STRADB: variants seen among roughly 807,000 people sequenced by gnomAD.
STRADB encodes the protein STE20-related kinase adapter protein beta.
A neutral mutation model predicts 52.1 loss-of-function variants in STRADB; 34 were observed. The observed-to-expected ratio is 0.65, with a 90% CI of 0.50 to 0.87. The LOEUF is 0.87. Ranked by LOEUF, STRADB falls within the 40% of genes least tolerant of loss-of-function variation. The probability of loss-of-function intolerance (pLI) is 0.00; values close to 1 mark genes in which losing one functional copy is unlikely to be tolerated. For synonymous variants in STRADB, 133 were observed against 174.5 expected, an observed-to-expected ratio of 0.76 and a Z score of 1.87; for missense variants, 340 against 483.9, an observed-to-expected ratio of 0.70 and a Z score of 2.79.
chr2:201,471,382 C>T (rs962109334), intron 4 of STRADB, among the ~76,000 whole-genome samples: 4 of 152,164 alleles, frequency 2.6e-5, no homozygotes, highest in African/African-American at 9.7e-5. Flanking sequence ...GAATGGCCTC[C>T]ACAACCTACC....
intron 2 of STRADB, 45 bp from the exon 3 acceptor site, chr2:201,458,739 C>A (rs752248963): frequency 6.4e-7 from 1 of 1,571,514 alleles, no homozygotes; most frequent in East Asian, 2.2e-5. Flanking sequence ...CCCTGCTTAT[C>A]CTGTAACTTA....
At chr2:201,479,277 A>G (rs560758406) in intron 10 of STRADB, 12 of 520,928 alleles carry the variant, frequency 2.3e-5, no homozygotes, top group African/African-American at 1.8e-4. Context: ...GTGTGCAGTA[A>G]ATGTTGAGTA....
chr2:201,462,104 A>G (rs966635806), intron 3 of STRADB, among the ~76,000 whole-genome samples: 4 of 152,168 alleles, frequency 2.6e-5, no homozygotes, highest in Admixed American at 2.6e-4. Flanking sequence ...ATTTGAAGTG[A>G]GGTAATGTGA....
At chr2:201,461,495 G>A (rs2080327) in intron 3 of STRADB, among the ~76,000 whole-genome samples, 44,334 of 151,816 alleles carry the variant, frequency 0.29, 6,765 homozygotes, top group Admixed American at 0.38. Context: ...TTTGAGAAAT[G>A]TTTATTTCTA....
At chr2:201,461,634 G>A (rs1952218184) in intron 3 of STRADB, among the ~76,000 whole-genome samples, 1 of 145,810 alleles carries the variant, frequency 6.9e-6, no homozygotes, top group African/African-American at 2.6e-5. Flanking sequence ...CATTCTGTGG[G>A]TTGTCTCTTC....
At chr2:201,475,861 A>T (rs1952463459) in intron 7 of STRADB, 119 bp downstream of exon 7, 2 of 1,137,558 alleles carry the variant, frequency 1.8e-6, no homozygotes, top group African/African-American at 1.6e-5. Flanking sequence ...TGTAAGTGAA[A>T]ATTGAGGGAG....
intron 2 of STRADB, among the ~76,000 whole-genome samples, chr2:201,458,201 G>A (rs1364429963): frequency 1.3e-5 from 2 of 151,978 alleles, no homozygotes; most frequent in Non-Finnish European, 2.9e-5. Context: ...TTCTTTATTG[G>A]CAATAAATAA....
intron 5 of STRADB, among the ~76,000 whole-genome samples, chr2:201,474,260 C>CA (rs1952438420): frequency 6.6e-6 from 1 of 152,018 alleles, no homozygotes; most frequent in South Asian, 2.1e-4. Flanking sequence ...GAAACTATAC[C>CA]AAAATGTTAA....
chr2:201,451,800 C>T lies in STRADB; in HGVS notation c.-234C>T, dbSNP rs1952044608. ...CCAAGCCCACGGCCCCGGTCGCGGC[C>T]TCGCCGCCCTCCCGCGCCCCGCGCC... On this transcript the variant is annotated 5_prime_UTR_variant, in exon 1 of 12. Coordinates refer to ENST00000194530, the MANE Select transcript of STRADB (RefSeq NM_018571.6). 1.3e-5 allele frequency: 2 copies of T among 152,092 alleles called. No individual in the cohort carries two copies. The highest frequency in any genetic ancestry group is 4.8e-5 in the African/African-American group (2 of 41,406). The allele number at this position is 152,092 out of a possible 1,614,324, so 9.4% of individuals were successfully genotyped here.
intron 8 of STRADB, 94 bp from the exon 9 acceptor site, chr2:201,477,993 T>A: frequency 1.6e-6 from 2 of 1,250,418 alleles, no homozygotes; most frequent in Admixed American, 4.5e-5. Flanking sequence ...TCTTTTCCAT[T>A]ATTGTTCACC....
chr2:201,466,368 T>C (rs2125676998), intron 3 of STRADB, among the ~76,000 whole-genome samples: 1 of 152,300 alleles, frequency 6.6e-6, no homozygotes, highest in African/African-American at 2.4e-5. Context: ...AGACTTAGAC[T>C]AAAATCTTCA....
At chr2:201,478,658 G>T in intron 10 of STRADB, 57 bp downstream of exon 10, 1 of 1,558,110 alleles carries the variant, frequency 6.4e-7, no homozygotes, top group Non-Finnish European at 8.7e-7. Flanking sequence ...TTTTATAGAA[G>T]CTTTGTAACA....
chr2:201,472,009 T>G (rs1210983919), intron 4 of STRADB, among the ~76,000 whole-genome samples: 1 of 152,182 alleles, frequency 6.6e-6, no homozygotes, highest in Non-Finnish European at 1.5e-5. Flanking sequence ...CTGACAAAAT[T>G]TGGTGACCAT....
chr2:201,473,164 T>A, intron 5 of STRADB, 88 bp downstream of exon 5: 2 of 1,162,146 alleles, frequency 1.7e-6, no homozygotes, highest in Non-Finnish European at 2.3e-6. Context: ...GAATAGAAAA[T>A]ATATATTTTA....
intron 4 of STRADB, 57 bp downstream of exon 4, chr2:201,470,109 A>C: frequency 7.4e-7 from 1 of 1,343,560 alleles, no homozygotes. Context: ...ATTGATGACA[A>C]AAAGATTATT....
chr2:201,479,864 CTCT>C, intron 11 of STRADB, 165 bp from the exon 12 acceptor site: 1 of 797,968 alleles, frequency 1.3e-6, no homozygotes, highest in Non-Finnish European at 2.0e-6. Context: ...GTTTCTTTGG[CTCT>C]TCTTCCTGTT....
chr2:201,462,606 GTTATT>G (rs1254385610), intron 3 of STRADB, among the ~76,000 whole-genome samples: 4 of 152,148 alleles, frequency 2.6e-5, no homozygotes, highest in Non-Finnish European at 5.9e-5. Flanking sequence ...AACATAACAT[GTTATT>G]TTAAAGTGAC....
Position 201,479,382 on chromosome 2 carries a change from C to T in STRADB, c.1071-107C>T, listed in dbSNP as rs553380939. 35 of 954,964 alleles carry T rather than the reference C, an allele frequency of 3.7e-5. No homozygotes were observed. In the East Asian group the frequency reaches 6.6e-4, roughly 18 times the overall value. The allele number at this position is 954,964 out of a possible 1,614,324, so 59.2% of individuals were successfully genotyped here. A position where few individuals can be genotyped will look rare whatever the true frequency, so the allele number is the denominator to read the frequency against. On this transcript the variant is annotated intron_variant, in intron 10 of 11. Coordinates refer to ENST00000194530, the MANE Select transcript of STRADB (RefSeq NM_018571.6). ...GACATACATTCTTTTTAATCTTTTTCGTATTGGGTTTTATAGCACTAAACC... is the reference window on the plus strand; with the variant it reads ...GACATACATTCTTTTTAATCTTTTTTGTATTGGGTTTTATAGCACTAAACC...
intron 1 of STRADB, among the ~76,000 whole-genome samples, chr2:201,453,662 C>T (rs1952084717): frequency 6.6e-6 from 1 of 152,146 alleles, no homozygotes; most frequent in Non-Finnish European, 1.5e-5. Context: ...TTTTGTACTG[C>T]CATCAGTACA....
Sources: gnomAD v4.1 joint callset for allele counts (sites outside exome capture counted in the v4.1 genomes callset) on GRCh38, gnomAD v4.1.1 for gene constraint, MANE v1.5 for transcripts, NCBI Gene and HGNC (gene_info 2026-07-23, HGNC 2026-07-21) for gene names.